The following CTNNA2 variants were observed in gnomAD, a reference collection of about 807,000 sequenced individuals.
The protein encoded by CTNNA2 is catenin alpha-2.
In CTNNA2, 42 loss-of-function variants were observed where a neutral mutation model predicts 101.0. The ratio of observed to expected loss-of-function variants is 0.42; its 90% CI spans 0.32 to 0.54. The LOEUF (loss-of-function observed/expected upper bound fraction) is 0.54. CTNNA2 is among the 20% of genes least tolerant of loss of function. The probability of loss-of-function intolerance (pLI) is 0.14; values close to 1 mark genes in which losing one functional copy is unlikely to be tolerated. For missense variants in CTNNA2, 871 were observed against 1,223.1 expected (o/e 0.71, Z 4.29); for synonymous variants, 450 against 456.4 (o/e 0.99, Z 0.18).
chr2:80,575,777 CACACACACACAT>C (rs976671002), intron 13 of CTNNA2, among the ~76,000 whole-genome samples: 2 of 152,078 alleles, frequency 1.3e-5, no homozygotes, highest in African/African-American at 4.8e-5. Context: ...AGCTGTAACA[CACACACACACAT>C]ACACACACAC....
At chr2:80,494,760 T>C (rs897232080) in intron 9 of CTNNA2, among the ~76,000 whole-genome samples, 1 of 152,182 alleles carries the variant, frequency 6.6e-6, no homozygotes, top group Non-Finnish European at 1.5e-5. Flanking sequence ...GGCAAATTTA[T>C]GACTCATAGA....
At chr2:79,815,137 A>T (rs746046669) in intron 3 of CTNNA2, among the ~76,000 whole-genome samples, 12 of 151,806 alleles carry the variant, frequency 7.9e-5, no homozygotes, top group Middle Eastern at 3.5e-3. Context: ...ATTCTTACTG[A>T]GTTGTTTGAG....
intron 7 of CTNNA2, among the ~76,000 whole-genome samples, chr2:80,126,280 G>A (rs1702104067): frequency 6.6e-6 from 1 of 152,068 alleles, no homozygotes; most frequent in Admixed American, 6.6e-5. Context: ...TGGGTGGATG[G>A]TTATAGACAT....
chr2:80,107,222 T>A (rs1189573987), intron 7 of CTNNA2, among the ~76,000 whole-genome samples: 1 of 152,128 alleles, frequency 6.6e-6, no homozygotes, highest in African/African-American at 2.4e-5. Context: ...TTCTGAATAA[T>A]GTCTTTTTTA....
rs139212522 is a variant in CTNNA2, at chr2:80,176,599, G to A, written c.1057-216612G>A. On this transcript the variant is annotated intron_variant, in intron 7 of 18. Coordinates refer to ENST00000402739, the MANE Select transcript of CTNNA2 (RefSeq NM_001282597.3). ...TGACACAAACCTTCATTCCTGTAGG[G>A]TCTATGTCATTTGTAGTCCTGCCTG... Among the ~76,000 whole-genome samples the A allele has an allele frequency of 4.1e-3, 624 of 152,254 alleles. 5 individuals are homozygous for A. The highest frequency in any genetic ancestry group is 0.024 in the Middle Eastern group (7 of 294).
At chr2:79,699,293 T>G (rs1205946039) in intron 2 of CTNNA2, among the ~76,000 whole-genome samples, 1 of 152,024 alleles carries the variant, frequency 6.6e-6, no homozygotes, top group East Asian at 1.9e-4. Flanking sequence ...CTTGGAGAAT[T>G]TACTTCAATT....
rs186358965 is a variant in CTNNA2, at chr2:80,055,666, G to A, written c.1056+145869G>A. ...TAGCTGGGACTGCAGAGCTGCACTCGTCTTTAGGCTGAGAGTACACTCTCC... is the reference window on the plus strand; with the variant it reads ...TAGCTGGGACTGCAGAGCTGCACTCATCTTTAGGCTGAGAGTACACTCTCC... On this transcript the variant is annotated intron_variant, in intron 7 of 18. Coordinates refer to ENST00000402739, the MANE Select transcript of CTNNA2 (RefSeq NM_001282597.3). 4.5e-3 allele frequency among the ~76,000 whole-genome samples: 682 copies of A among 152,202 alleles called. 5 individuals carry two copies. The highest frequency in any genetic ancestry group is 0.015 in the African/African-American group (635 of 41,536).
intron 1 of CTNNA2, among the ~76,000 whole-genome samples, chr2:79,575,025 G>A (rs1343974327): frequency 2.6e-5 from 4 of 152,118 alleles, no homozygotes. Flanking sequence ...TTTGAAAAGC[G>A]TTGGTTCGTG....
intron 4 of CTNNA2, among the ~76,000 whole-genome samples, chr2:79,474,446 G>C (rs1329683479): frequency 6.6e-6 from 1 of 152,052 alleles, no homozygotes; most frequent in African/African-American, 2.4e-5. Flanking sequence ...TTTTGGAAAG[G>C]CAAAGCATAT....
At chr2:79,202,736 G>GTTTA (rs1439091930) in intron 2 of CTNNA2, among the ~76,000 whole-genome samples, 2 of 151,578 alleles carry the variant, frequency 1.3e-5, no homozygotes, top group African/African-American at 4.9e-5. Flanking sequence ...ACGTTTCTTT[G>GTTTA]TTTGTTTGTT....
At chr2:79,690,749 A>G (rs1366012918) in intron 2 of CTNNA2, among the ~76,000 whole-genome samples, 1 of 151,996 alleles carries the variant, frequency 6.6e-6, no homozygotes, top group Non-Finnish European at 1.5e-5. Context: ...CCCAGGCTGC[A>G]GAGGAAGTGG....
At chr2:80,385,774 G>T (rs1481015636) in intron 7 of CTNNA2, among the ~76,000 whole-genome samples, 1 of 151,550 alleles carries the variant, frequency 6.6e-6, no homozygotes, top group African/African-American at 2.4e-5. Flanking sequence ...TCTTTTTGTG[G>T]GGTCTATTTT....
chr2:80,024,499 C>T (rs1411389163), intron 7 of CTNNA2, among the ~76,000 whole-genome samples: 1 of 152,184 alleles, frequency 6.6e-6, no homozygotes, highest in African/African-American at 2.4e-5. Context: ...TTCCCTTGAC[C>T]CATCTGCAGG....
chr2:80,504,292 A>C (rs565119608), intron 9 of CTNNA2, among the ~76,000 whole-genome samples: 1 of 152,150 alleles, frequency 6.6e-6, no homozygotes, highest in African/African-American at 2.4e-5. Context: ...TCCTTGCCAC[A>C]TGGTTCTCTC....
At chr2:80,623,600 A>G (rs976844807) in intron 18 of CTNNA2, among the ~76,000 whole-genome samples, 1 of 151,940 alleles carries the variant, frequency 6.6e-6, no homozygotes, top group Non-Finnish European at 1.5e-5. Flanking sequence ...AGTAGCATTG[A>G]AAATGATCAG....
intron 1 of CTNNA2, among the ~76,000 whole-genome samples, chr2:79,524,456 A>G (rs1044353807): frequency 1.3e-5 from 2 of 151,556 alleles, no homozygotes; most frequent in Non-Finnish European, 2.9e-5. Flanking sequence ...TGGTCCAAAA[A>G]AACGTGCCCT....
At chr2:79,968,648 A>C (rs1690252951) in intron 7 of CTNNA2, among the ~76,000 whole-genome samples, 1 of 152,190 alleles carries the variant, frequency 6.6e-6, no homozygotes, top group African/African-American at 2.4e-5. Flanking sequence ...ACTCTGCAAA[A>C]CCAAACAACA....
At chr2:79,836,790 G>A (rs1450918718) in intron 3 of CTNNA2, among the ~76,000 whole-genome samples, 1 of 151,912 alleles carries the variant, frequency 6.6e-6, no homozygotes, top group East Asian at 1.9e-4. Context: ...TTTATGTACT[G>A]TTAGAATCTC....
intron 2 of CTNNA2, among the ~76,000 whole-genome samples, chr2:79,262,302 G>A (rs572240842): frequency 6.4e-4 from 97 of 152,152 alleles, no homozygotes; most frequent in South Asian, 5.2e-3. Context: ...AAAGGATTTC[G>A]TTTTGTCAGT....
Sources: allele counts gnomAD v4.1 joint callset (sites outside exome capture counted in the v4.1 genomes callset), GRCh38; gene constraint gnomAD v4.1.1; transcripts MANE v1.5; gene names NCBI Gene and HGNC (gene_info 2026-07-23, HGNC 2026-07-21).